CSMD1: variants seen among roughly 807,000 people sequenced by gnomAD.
CSMD1 encodes CUB and sushi domain-containing protein 1.
Under a neutral mutation model 417.5 loss-of-function variants are expected in CSMD1, and 213 were observed. The ratio of observed to expected loss-of-function variants is 0.51; its 90% CI spans 0.46 to 0.57. CSMD1 has a LOEUF of 0.57. CSMD1 is among the 20% of genes least tolerant of loss of function. The pLI, the probability that CSMD1 is intolerant of heterozygous loss-of-function variation, is 0.00. For synonymous variants in CSMD1, 2,862 were observed against 1,736.8 expected (o/e 1.65, Z -16.11); for missense variants, 6,923 against 4,529.7 (o/e 1.53, Z -15.17).
chr8:4,760,164 G>C (rs888674223), intron 1 of CSMD1, among the ~76,000 whole-genome samples: 6 of 152,164 alleles, frequency 3.9e-5, no homozygotes, highest in Non-Finnish European at 5.9e-5. Context: ...AATAGTCATA[G>C]GCTGCAACAT....
intron 49 of CSMD1, among the ~76,000 whole-genome samples, chr8:3,075,080 T>G (rs78777372): frequency 0.049 from 7,400 of 152,134 alleles, 215 homozygotes; most frequent in Admixed American, 0.065. Context: ...CCTCTCACTC[T>G]CTCTTGCTCC....
intron 3 of CSMD1, among the ~76,000 whole-genome samples, chr8:4,149,080 C>T (rs1647368): frequency 6.6e-6 from 1 of 151,828 alleles, no homozygotes; most frequent in African/African-American, 2.4e-5. Flanking sequence ...TCTCCTGCCT[C>T]AGCCTCCCAA....
intron 12 of CSMD1, among the ~76,000 whole-genome samples, chr8:3,429,445 T>C (rs1027107862): frequency 5.3e-5 from 8 of 152,128 alleles, no homozygotes; most frequent in Admixed American, 2.0e-4. Context: ...GGAAGCCATG[T>C]CCAAAGCAAC....
intron 5 of CSMD1, among the ~76,000 whole-genome samples, chr8:3,815,193 T>A (rs991282535): frequency 6.6e-6 from 1 of 152,212 alleles, no homozygotes; most frequent in Non-Finnish European, 1.5e-5. Flanking sequence ...CAGGTCAACA[T>A]AGTTTCTTTC....
rs564622713 is a variant in CSMD1 at position 3,209,287 on chromosome 8, G to C, written c.4868-3667C>G. ...GGATAGAATTTTTATTTATTTGTTT[G>C]TTTGTTTATTTATTTATTTATTTAT... On this transcript the variant is annotated intron_variant, in intron 30 of 69. Coordinates refer to ENST00000635120, the MANE Select transcript of CSMD1 (RefSeq NM_033225.6). Among the ~76,000 whole-genome samples the C allele has an allele frequency of 5.0e-5, 4 of 80,750 alleles. No homozygotes were observed. The South Asian group carries it at 1.7e-3, about 35-fold the overall frequency. 53.0% of individuals were successfully genotyped at this position (80,750 alleles called of 152,430 possible). A position where few individuals can be genotyped will look rare whatever the true frequency, so the allele number is the denominator to read the frequency against.
At chr8:3,575,171 A>T (rs1390227352) in intron 9 of CSMD1, 105 bp from the exon 10 acceptor site, 67 of 5,490 alleles carry the variant, frequency 0.012, no homozygotes, top group Admixed American at 0.046. Context: ...TAATCACAGT[A>T]AAAAAAAAAA....
chr8:4,061,153 G>C (rs2911721), intron 3 of CSMD1, among the ~76,000 whole-genome samples: 1 of 152,050 alleles, frequency 6.6e-6, no homozygotes, highest in Non-Finnish European at 1.5e-5. Context: ...CCCCATCCTT[G>C]CCCCTTACGA....
At chr8:3,189,850 G>A (rs1247315035) in intron 34 of CSMD1, 62 bp downstream of exon 34, 9 of 1,411,388 alleles carry the variant, frequency 6.4e-6, no homozygotes, top group African/African-American at 1.4e-5. Flanking sequence ...AGAAACATGA[G>A]AAGTAACTCT....
At chr8:3,561,446 C>T (rs765547157) in intron 10 of CSMD1, among the ~76,000 whole-genome samples, 2 of 152,132 alleles carry the variant, frequency 1.3e-5, no homozygotes, top group African/African-American at 4.8e-5. Context: ...GGATACCACA[C>T]AATCATAAAA....
chr8:3,360,598 A>G (rs558841695), intron 20 of CSMD1, among the ~76,000 whole-genome samples: 31 of 152,274 alleles, frequency 2.0e-4, no homozygotes, highest in African/African-American at 7.0e-4. Flanking sequence ...GAAGAGTTTC[A>G]GAGAGAATCT....
At chr8:3,710,604 TG>T (rs1801451531) in intron 6 of CSMD1, among the ~76,000 whole-genome samples, 1 of 152,142 alleles carries the variant, frequency 6.6e-6, no homozygotes, top group South Asian at 2.1e-4. Context: ...TTCCTGTGCT[TG>T]GCCCCTGTGT....
intron 4 of CSMD1, among the ~76,000 whole-genome samples, chr8:4,013,394 G>C (rs183673903): frequency 2.6e-5 from 4 of 152,130 alleles, no homozygotes; most frequent in Admixed American, 2.0e-4. Flanking sequence ...ATTCTCGCAG[G>C]GCTCACTCTG....
chr8:4,421,243 G>GA (rs1797234369), intron 2 of CSMD1, among the ~76,000 whole-genome samples: 2 of 151,886 alleles, frequency 1.3e-5, no homozygotes, highest in South Asian at 4.1e-4. Context: ...TTTAAGAAAG[G>GA]AAAAACAAAA....
At position 3,755,543 on chromosome 8, in the gene CSMD1, C is replaced by T. The variant is rs140963900; in HGVS notation, c.819-1501G>A. The stretch of plus-strand genomic sequence containing the variant: ...TGCTGCGTGTGGGCCTGCCTGTGAG[C>T]GCCGCAGCTGCTTGGTAAAGCTGAG... On this transcript the variant is annotated intron_variant, in intron 5 of 69. Coordinates refer to ENST00000635120, the MANE Select transcript of CSMD1 (RefSeq NM_033225.6). 1.7e-3 allele frequency among the ~76,000 whole-genome samples: 264 copies of T among 152,198 alleles called. 1 individual carries two copies. Among genetic ancestry groups the T allele is most frequent in the African/African-American group, 6.0e-3 (248 of 41,534 alleles).
rs1477465450 is a variant in CSMD1 at position 3,195,745 on chromosome 8, T to C, written c.5194+3969A>G. Among the ~76,000 whole-genome samples the C allele has an allele frequency of 2.6e-5, 4 of 152,250 alleles. No homozygotes were observed. The East Asian group carries it at 7.7e-4, about 29-fold the overall frequency. ...ATTCCCGGGAGCTAAGAAACTGGTA[T>C]AAAACACTTTCTGCTTGATGCCAAA... On this transcript the variant is annotated intron_variant, in intron 33 of 69. Coordinates refer to ENST00000635120, the MANE Select transcript of CSMD1 (RefSeq NM_033225.6).
At chr8:4,164,841 A>C (rs990219546) in intron 3 of CSMD1, among the ~76,000 whole-genome samples, 1 of 151,054 alleles carries the variant, frequency 6.6e-6, no homozygotes. Flanking sequence ...GTGCCACTGC[A>C]CTCCAAGCCT....
chr8:4,741,083 T>C (rs1169968048), intron 1 of CSMD1, among the ~76,000 whole-genome samples: 1 of 152,178 alleles, frequency 6.6e-6, no homozygotes, highest in Non-Finnish European at 1.5e-5. Context: ...GGAATGAAAA[T>C]ATTAAATTGG....
intron 3 of CSMD1, among the ~76,000 whole-genome samples, chr8:4,338,740 T>A (rs1235758100): frequency 6.6e-6 from 1 of 152,102 alleles, no homozygotes; most frequent in Non-Finnish European, 1.5e-5. Flanking sequence ...TTCGCCTAAT[T>A]CATAAGCGAA....
At chr8:3,639,557 G>A (rs1483029741) in intron 7 of CSMD1, among the ~76,000 whole-genome samples, 1 of 152,118 alleles carries the variant, frequency 6.6e-6, no homozygotes, top group Non-Finnish European at 1.5e-5. Context: ...CTGACTTCCT[G>A]CCTCAACCAG....
Sources: allele counts gnomAD v4.1 joint callset (sites outside exome capture counted in the v4.1 genomes callset), GRCh38; gene constraint gnomAD v4.1.1; transcripts MANE v1.5; gene names NCBI Gene and HGNC (gene_info 2026-07-23, HGNC 2026-07-21).